SOX5: variants seen among roughly 807,000 people sequenced by gnomAD.
The protein encoded by SOX5 is SRY-box transcription factor 5.
Under a neutral mutation model 92.0 loss-of-function variants are expected in SOX5, and 9 were observed. The observed-to-expected ratio is 0.10, with a 90% CI of 0.06 to 0.17. The LOEUF is 0.17. Among genes scored for constraint, SOX5 ranks in the 10% least tolerant of loss-of-function variants. The pLI, the probability that SOX5 is intolerant of heterozygous loss-of-function variation, is 1.00. For synonymous variants in SOX5, 344 were observed against 336.3 expected (o/e 1.02, Z -0.25); for missense variants, 642 against 944.5 (o/e 0.68, Z 4.20).
intron 10 of SOX5, among the ~76,000 whole-genome samples, chr12:23,575,205 G>A (rs538725031): frequency 1.3e-5 from 2 of 152,246 alleles, no homozygotes; most frequent in Admixed American, 6.5e-5. Flanking sequence ...GTGTTTGCAA[G>A]TAATCCTCAA....
chr12:23,711,441 A>C (rs891398152), intron 6 of SOX5, among the ~76,000 whole-genome samples: 1 of 152,214 alleles, frequency 6.6e-6, no homozygotes, highest in Admixed American at 6.5e-5. Flanking sequence ...ATAATTGTGC[A>C]TTTAAATATA....
chr12:24,411,136 T>G (rs963484526), intron 1 of SOX5, among the ~76,000 whole-genome samples: 1 of 152,184 alleles, frequency 6.6e-6, no homozygotes, highest in Admixed American at 6.5e-5. Flanking sequence ...ATAACTGACT[T>G]TCGTATGTTT....
intron 2 of SOX5, among the ~76,000 whole-genome samples, chr12:24,310,817 C>A (rs545648397): frequency 1.3e-5 from 2 of 151,822 alleles, no homozygotes; most frequent in Non-Finnish European, 2.9e-5. Flanking sequence ...AAATATCTGA[C>A]CTTCATTGAA....
intron 8 of SOX5, among the ~76,000 whole-genome samples, chr12:23,634,517 G>A (rs1450100746): frequency 6.6e-6 from 1 of 152,102 alleles, no homozygotes. Flanking sequence ...TAGGAAGGGA[G>A]TATGCCTTGG....
At chr12:23,936,567 A>C (rs1325570701) in intron 1 of SOX5, among the ~76,000 whole-genome samples, 3 of 150,774 alleles carry the variant, frequency 2.0e-5, no homozygotes, top group African/African-American at 7.3e-5. Context: ...TTTCTAACTC[A>C]TTGCTACCAT....
At chr12:23,602,990 CCTA>C (rs1193613153) in intron 9 of SOX5, among the ~76,000 whole-genome samples, 1 of 152,006 alleles carries the variant, frequency 6.6e-6, no homozygotes, top group African/African-American at 2.4e-5. Context: ...TATGTATACT[CCTA>C]CTGTCAATGT....
chr12:24,066,893 G>A (rs946180188), intron 4 of SOX5, among the ~76,000 whole-genome samples: 1 of 152,150 alleles, frequency 6.6e-6, no homozygotes, highest in Non-Finnish European at 1.5e-5. Context: ...TCACCTAAAA[G>A]TTGCCATCTT....
intron 4 of SOX5, among the ~76,000 whole-genome samples, chr12:23,956,569 C>A (rs1946306992): frequency 1.3e-5 from 2 of 152,164 alleles, no homozygotes; most frequent in South Asian, 4.1e-4. Flanking sequence ...CTCCCACCCC[C>A]ATGGAAAAAT....
rs77244827 is a variant in SOX5 at position 23,673,762 on chromosome 12, G to A, written c.811-8198C>T. The stretch of plus-strand genomic sequence containing the variant: ...AAAATCTCAAAAATTACCAAATGTC[G>A]GGAGGGATGAACTGGGGACACAGGT... On this transcript the variant is annotated intron_variant, in intron 6 of 14. Coordinates refer to ENST00000451604, the MANE Select transcript of SOX5 (RefSeq NM_006940.6). Among the ~76,000 whole-genome samples the A allele has an allele frequency of 3.7e-3, 558 of 152,022 alleles. 2 individuals are homozygous for A. The highest frequency in any genetic ancestry group is 6.8e-3 in the Middle Eastern group (2 of 294).
chr12:24,093,199 A>C lies in SOX5; in HGVS notation c.-2+120144T>G, dbSNP rs79534467. Reference sequence around the variant, plus strand: ...TCACTACGGGTGCCCTATCAGTCAAAATGTCACTGAATTGGATGTTCTATA... The same window carrying C: ...TCACTACGGGTGCCCTATCAGTCAACATGTCACTGAATTGGATGTTCTATA... On this transcript the variant is annotated intron_variant, in intron 4 of 4. Coordinates refer to the SOX5 transcript ENST00000446891. 8.0e-3 allele frequency among the ~76,000 whole-genome samples: 1,218 copies of C among 152,232 alleles called. 19 individuals carry two copies. The highest frequency in any genetic ancestry group is 0.028 in the African/African-American group (1,169 of 41,516).
chr12:23,868,063 C>T (rs1249021726), intron 2 of SOX5, among the ~76,000 whole-genome samples: 1 of 151,476 alleles, frequency 6.6e-6, no homozygotes, highest in East Asian at 1.9e-4. Context: ...CTCCTTCTCT[C>T]CCTCCCTCAC....
At chr12:23,849,442 T>A (rs1265933213) in intron 2 of SOX5, among the ~76,000 whole-genome samples, 1 of 152,184 alleles carries the variant, frequency 6.6e-6, no homozygotes, top group Admixed American at 6.5e-5. Flanking sequence ...CTGGATAAAC[T>A]GAGGCAGAGA....
chr12:23,753,049 A>G (rs577894424), intron 4 of SOX5, among the ~76,000 whole-genome samples: 1 of 151,832 alleles, frequency 6.6e-6, no homozygotes, highest in Non-Finnish European at 1.5e-5. Context: ...TTACTAACTC[A>G]CATTGTTTCT....
At chr12:23,839,576 T>C (rs1023610560) in intron 3 of SOX5, among the ~76,000 whole-genome samples, 4 of 152,182 alleles carry the variant, frequency 2.6e-5, no homozygotes, top group South Asian at 2.1e-4. Flanking sequence ...AACATAGATG[T>C]AAAAATCCTC....
At chr12:23,949,482 G>A (rs968223128) in intron 1 of SOX5, 82 bp downstream of exon 1, 1 of 1,538,126 alleles carries the variant, frequency 6.5e-7, no homozygotes, top group South Asian at 1.1e-5. Context: ...CGTTTTGGGG[G>A]AGCATCTTCC....
intron 2 of SOX5, among the ~76,000 whole-genome samples, chr12:23,857,791 G>C (rs1404317779): frequency 6.7e-6 from 1 of 150,074 alleles, no homozygotes; most frequent in African/African-American, 2.5e-5. Context: ...GGAGTGCAGT[G>C]GCACGATCTT....
chr12:23,642,503 T>C (rs1196823297), intron 7 of SOX5, among the ~76,000 whole-genome samples: 2 of 152,180 alleles, frequency 1.3e-5, no homozygotes, highest in East Asian at 3.9e-4. Flanking sequence ...AGAAAGATTG[T>C]TCCAGGCAGG....
chr12:24,037,612 G>A (rs1343687947), intron 4 of SOX5, among the ~76,000 whole-genome samples: 6 of 152,126 alleles, frequency 3.9e-5, no homozygotes, highest in South Asian at 2.1e-4. Flanking sequence ...CAGTGAAATA[G>A]ATCATTCAAG....
chr12:23,966,983 A>G (rs1217434888), intron 4 of SOX5, among the ~76,000 whole-genome samples: 1 of 152,194 alleles, frequency 6.6e-6, no homozygotes, highest in African/African-American at 2.4e-5. Context: ...TGCTGAAAAG[A>G]GCAATGAGAT....
Sources: allele counts gnomAD v4.1 joint callset (sites outside exome capture counted in the v4.1 genomes callset), GRCh38; gene constraint gnomAD v4.1.1; transcripts MANE v1.5; gene names NCBI Gene and HGNC (gene_info 2026-07-23, HGNC 2026-07-21).